The following PSD3 variants were observed in gnomAD, a reference collection of about 807,000 sequenced individuals.
PSD3 encodes pleckstrin and Sec7 domain containing 3.
PSD3 carries 49 observed loss-of-function variants against 105.5 expected under a neutral mutation model. The ratio of observed to expected loss-of-function variants is 0.46; its 90% CI spans 0.37 to 0.59. The LOEUF is 0.59. Ranked by LOEUF, PSD3 falls within the 20% of genes least tolerant of loss-of-function variation. The probability of loss-of-function intolerance (pLI) is 0.00; values close to 1 mark genes in which losing one functional copy is unlikely to be tolerated. For synonymous variants in PSD3, 557 were observed against 457.8 expected (o/e 1.22, Z -2.77); for missense variants, 1,561 against 1,263.8 (o/e 1.24, Z -3.57).
chr8:18,699,585 T>C (rs1386833771), intron 9 of PSD3, among the ~76,000 whole-genome samples: 3 of 152,190 alleles, frequency 2.0e-5, no homozygotes, highest in African/African-American at 4.8e-5. Context: ...GAATACTCTA[T>C]ATGAAGGATA....
At chr8:18,894,838 G>A (rs577186460) in intron 2 of PSD3, among the ~76,000 whole-genome samples, 9 of 152,272 alleles carry the variant, frequency 5.9e-5, no homozygotes, top group Admixed American at 3.3e-4. Flanking sequence ...CTCACTTTGC[G>A]GGAAGGTCTG....
At chr8:18,662,997 A>G (rs569814742) in intron 9 of PSD3, among the ~76,000 whole-genome samples, 3 of 152,308 alleles carry the variant, frequency 2.0e-5, no homozygotes, top group Admixed American at 6.5e-5. Context: ...TGTCAAATGC[A>G]CCTTTCTGAG....
chr8:18,700,644 C>T (rs1331009465), intron 9 of PSD3, among the ~76,000 whole-genome samples: 2 of 152,232 alleles, frequency 1.3e-5, no homozygotes, highest in Admixed American at 6.5e-5. Context: ...GACCTCTCAA[C>T]TCAAACACCA....
chr8:18,685,913 G>A (rs537669982), intron 9 of PSD3, among the ~76,000 whole-genome samples: 1 of 152,230 alleles, frequency 6.6e-6, no homozygotes, highest in East Asian at 1.9e-4. Context: ...TAAAGACAGT[G>A]CACGGGCTTA....
chr8:19,022,032 C>T (rs2129475909), intron 1 of PSD3, among the ~76,000 whole-genome samples: 1 of 152,292 alleles, frequency 6.6e-6, no homozygotes, highest in South Asian at 2.1e-4. Flanking sequence ...ACTCAGGAAG[C>T]TTATAACTAT....
At chr8:18,905,940 A>C (rs1390944316) in intron 2 of PSD3, among the ~76,000 whole-genome samples, 1 of 152,312 alleles carries the variant, frequency 6.6e-6, no homozygotes, top group Non-Finnish European at 1.5e-5. Flanking sequence ...TGGTTCTTTG[A>C]TCTTTCTAGA....
intron 11 of PSD3, among the ~76,000 whole-genome samples, chr8:18,622,362 T>G (rs538109577): frequency 1.3e-5 from 2 of 152,216 alleles, no homozygotes; most frequent in South Asian, 4.1e-4. Context: ...AGTCGTTAAG[T>G]GACATTATAT....
chr8:18,822,221 G>T (rs1812801424), intron 4 of PSD3, among the ~76,000 whole-genome samples: 1 of 152,176 alleles, frequency 6.6e-6, no homozygotes, highest in Non-Finnish European at 1.5e-5. Context: ...AACTTTGGTT[G>T]AGAAGGGGCC....
At chr8:18,930,149 C>G (rs1177049329) in intron 2 of PSD3, among the ~76,000 whole-genome samples, 1 of 152,106 alleles carries the variant, frequency 6.6e-6, no homozygotes, top group African/African-American at 2.4e-5. Context: ...AGGCACCATA[C>G]AGCAAGAACA....
At chr8:18,966,568 TAA>T (rs34134930) in intron 1 of PSD3, among the ~76,000 whole-genome samples, 2,186 of 135,908 alleles carry the variant, frequency 0.016, 58 homozygotes, top group African/African-American at 0.053. Context: ...GAGACTGTCT[TAA>T]AAAAAAAAAA....
intron 9 of PSD3, among the ~76,000 whole-genome samples, chr8:18,722,931 T>C (rs926056257): frequency 1.3e-5 from 2 of 152,232 alleles, no homozygotes; most frequent in African/African-American, 4.8e-5. Flanking sequence ...ATGCCGTATG[T>C]CCCTTGCTAG....
At chr8:18,771,659 G>A (rs1807542544) in intron 8 of PSD3, among the ~76,000 whole-genome samples, 1 of 152,146 alleles carries the variant, frequency 6.6e-6, no homozygotes, top group Admixed American at 6.5e-5. Context: ...ATAAATGTAT[G>A]GGATTATTTT....
chr8:18,781,453 A>G (rs1808616245), intron 8 of PSD3, among the ~76,000 whole-genome samples: 1 of 152,192 alleles, frequency 6.6e-6, no homozygotes, highest in Non-Finnish European at 1.5e-5. Context: ...AATGTTTCTA[A>G]GAAACTGAAT....
rs548628001 is a variant in PSD3 at position 18,849,864 on chromosome 8, AGTTCCCCAAGG to A, written c.1634+17799_1634+17809del. 6.0e-3 allele frequency among the ~76,000 whole-genome samples: 908 copies of A among 152,320 alleles called. 9 individuals are homozygous for A. Among genetic ancestry groups the A allele is most frequent in the African/African-American group, 0.02 (840 of 41,584 alleles). On this transcript the variant is annotated intron_variant, in intron 4 of 15. Coordinates refer to ENST00000327040, the MANE Select transcript of PSD3 (RefSeq NM_015310.4). Reference sequence around the variant, plus strand: ...TCTCCAACCCTTGGTCCAATCGATGAGTTCCCCAAGGGACTTGCTAGATGCACAAGTTCTAG... The same window carrying A: ...TCTCCAACCCTTGGTCCAATCGATGAGACTTGCTAGATGCACAAGTTCTAG...
At chr8:18,610,201 A>G (rs1805154361) in intron 11 of PSD3, among the ~76,000 whole-genome samples, 2 of 152,232 alleles carry the variant, frequency 1.3e-5, no homozygotes, top group African/African-American at 4.8e-5. Flanking sequence ...AGCAAACTAA[A>G]TATGGCCTTA....
intron 9 of PSD3, among the ~76,000 whole-genome samples, chr8:18,726,804 C>A (rs919977273): frequency 6.6e-6 from 1 of 152,316 alleles, no homozygotes; most frequent in East Asian, 1.9e-4. Flanking sequence ...AACCACGCTT[C>A]GGGGCTCTAA....
chr8:18,720,893 A>C (rs189904171), intron 9 of PSD3: 1 of 152,120 alleles, frequency 6.6e-6, no homozygotes, highest in Non-Finnish European at 1.5e-5. Flanking sequence ...TTCCTATTTG[A>C]TATCACTCTC....
chr8:18,945,469 G>A (rs1383298265), intron 1 of PSD3, among the ~76,000 whole-genome samples: 1 of 152,180 alleles, frequency 6.6e-6, no homozygotes, highest in Non-Finnish European at 1.5e-5. Flanking sequence ...CAAAGAAACA[G>A]ATTATCCTCT....
Position 18,678,455 on chromosome 8 carries a change from C to T in PSD3, c.2173-22770G>A, listed in dbSNP as rs73199918. On this transcript the variant is annotated intron_variant, in intron 9 of 15. Transcript: ENST00000327040. ...TCTTTCTCTCTGCCTATCATTCTTTCCACCAACTAACTTCCAGCCAATCAA... is the reference window on the plus strand; with the variant it reads ...TCTTTCTCTCTGCCTATCATTCTTTTCACCAACTAACTTCCAGCCAATCAA... Among the ~76,000 whole-genome samples the T allele has an allele frequency of 6.3e-3, 953 of 152,352 alleles. 6 individuals are homozygous for T. The highest frequency in any genetic ancestry group is 0.01 in the Non-Finnish European group (689 of 68,026).
Sources: allele counts gnomAD v4.1 joint callset (sites outside exome capture counted in the v4.1 genomes callset), GRCh38; gene constraint gnomAD v4.1.1; transcripts MANE v1.5; gene names NCBI Gene and HGNC (gene_info 2026-07-23, HGNC 2026-07-21).